Variants in PCSK9 observed in about 807,000 individuals in gnomAD.
PCSK9 encodes convertase subtilisin/kexin type 9 preproprotein.
In PCSK9, 57 loss-of-function variants were observed where a neutral mutation model predicts 62.1. The observed-to-expected ratio is 0.92, with a 90% CI of 0.74 to 1.14. The LOEUF is 1.14. PCSK9 is among the 50% of genes most tolerant of loss of function. The pLI is 0.00. For missense variants in PCSK9, 870 were observed against 959.8 expected (o/e 0.91, Z 1.24); for synonymous variants, 387 against 409.4 (o/e 0.95, Z 0.66).
At chr1:55,059,408 G>A (rs910924819) in intron 9 of PCSK9, 78 bp from the exon 10 acceptor site, 38 of 1,519,076 alleles carry the variant, frequency 2.5e-5, no homozygotes, top group Non-Finnish European at 8.0e-6. Flanking sequence ...GGGTGCTTGA[G>A]TTGATCCTGT....
At chr1:55,057,232 G>A in intron 6 of PCSK9, 99 bp from the exon 7 acceptor site, 1 of 1,418,738 alleles carries the variant, frequency 7.0e-7, no homozygotes, top group Non-Finnish European at 9.9e-7. Flanking sequence ...CCAAACAGGT[G>A]TATAGCAGTT....
intron 3 of PCSK9, among the ~76,000 whole-genome samples, chr1:55,047,435 C>A (rs1644642120): frequency 6.6e-6 from 1 of 152,198 alleles, no homozygotes; most frequent in African/African-American, 2.4e-5. Flanking sequence ...TTGGGGTGAA[C>A]TCAGCTTTCA....
At position 55,052,427 on chromosome 1, in the gene PCSK9, TGATG is replaced by T; in HGVS notation, c.657+18_657+21del. On this transcript the variant is annotated intron_variant, in intron 4 of 11. Transcript: ENST00000302118. ...CCACAGACAGGTAAGCACGGCCGTC[TGATG>T]GGAGGGCTGCCTCTGCCCATATCCC... is the stretch of plus-strand genomic sequence containing the variant. 6.2e-7 allele frequency: 1 copy of T among 1,613,580 alleles called. No homozygotes were observed. The highest frequency in any genetic ancestry group is 8.5e-7 in the Non-Finnish European group (1 of 1,180,006).
chr1:55,058,735 G>A (rs938173371), intron 9 of PCSK9, 88 bp downstream of exon 9: 28 of 1,544,590 alleles, frequency 1.8e-5, no homozygotes, highest in Non-Finnish European at 2.4e-5. Context: ...TGGGCCCTCA[G>A]GGACCCCCAG....
chr1:55,058,954 C>T (rs939748463), intron 9 of PCSK9, among the ~76,000 whole-genome samples: 4 of 152,214 alleles, frequency 2.6e-5, no homozygotes, highest in Admixed American at 6.5e-5. Context: ...TGAGGGTCAG[C>T]GATCTGCTAC....
At chr1:55,058,782 A>G in intron 9 of PCSK9, 135 bp downstream of exon 9, 1 of 1,507,936 alleles carries the variant, frequency 6.6e-7, no homozygotes, top group Non-Finnish European at 8.9e-7. Flanking sequence ...GCTCTTCTGT[A>G]AGCTTACAGG....
At chr1:55,059,753 T>C (rs1482080645) in intron 10 of PCSK9, 90 bp downstream of exon 10, 27 of 1,456,166 alleles carry the variant, frequency 1.9e-5, no homozygotes, top group Non-Finnish European at 2.4e-5. Context: ...ACAAGTGTGA[T>C]CCATGAGACT....
intron 3 of PCSK9, chr1:55,050,890 A>G: frequency 3.0e-6 from 1 of 329,668 alleles, no homozygotes; most frequent in South Asian, 2.2e-5. Flanking sequence ...TCAAGATGGC[A>G]TCATCTGGAT....
intron 5 of PCSK9, 94 bp downstream of exon 5, chr1:55,052,885 C>T: frequency 6.3e-7 from 1 of 1,580,352 alleles, no homozygotes; most frequent in Non-Finnish European, 8.6e-7. Flanking sequence ...TGTCTCCTAA[C>T]CAAGAATGCT....
Position 55,064,026 on chromosome 1 carries a change from TG to T in PCSK9, c.*448del. The T allele has an allele frequency of 5.7e-6, 1 of 175,428 alleles. No individual in the cohort carries two copies. The highest frequency in any genetic ancestry group is 1.2e-5 in the Non-Finnish European group (1 of 82,580). The allele number at this position is 175,428 out of a possible 1,614,324, so 10.9% of individuals were successfully genotyped here. ...TAGGGGCTGCAGGGACAAACATCGTTGGGGGGTGAGTGTGAAAGGTGCTGAT... is the reference window on the plus strand; with the variant it reads ...TAGGGGCTGCAGGGACAAACATCGTTGGGGGTGAGTGTGAAAGGTGCTGAT... On this transcript the variant is annotated 3_prime_UTR_variant, in exon 12 of 12. Coordinates refer to ENST00000302118, the MANE Select transcript of PCSK9 (RefSeq NM_174936.4).
intron 2 of PCSK9, 89 bp from the exon 3 acceptor site, chr1:55,046,434 G>A: frequency 6.3e-7 from 1 of 1,594,990 alleles, no homozygotes; most frequent in African/African-American, 1.3e-5. Flanking sequence ...TGTGGGGACA[G>A]GTTTGATCAG....
intron 3 of PCSK9, among the ~76,000 whole-genome samples, chr1:55,048,121 G>A (rs771192382): frequency 3.9e-5 from 6 of 152,106 alleles, no homozygotes; most frequent in Non-Finnish European, 8.8e-5. Flanking sequence ...AATCAGTGTC[G>A]GCAGGACCAC....
In PCSK9 at chr1:55,060,450, G is replaced by A. The variant is rs373940700; in HGVS notation, c.1681+787G>A. On this transcript the variant is annotated intron_variant, in intron 10 of 11. Transcript: ENST00000302118. The stretch of plus-strand genomic sequence containing the variant: ...GGTTTGGGAACAGGAGAGTGAGGGT[G>A]AGAACCTGGTTCTGGGCACAGCAGG... Among the ~76,000 whole-genome samples, 34 of 152,346 alleles carry A rather than the reference G, an allele frequency of 2.2e-4. No homozygotes were observed. In the South Asian group the frequency reaches 7.0e-3, roughly 32 times the overall value.
In PCSK9 at chr1:55,058,644, G is replaced by A; in HGVS notation, c.1500G>A (p.Met500Ile). Residue 500 changes from methionine to isoleucine, a missense_variant, in exon 9 of 12, where the codon ATG becomes ATA. Met to Ile is a conservative substitution (Grantham distance 10). Coordinates refer to ENST00000302118, the MANE Select transcript of PCSK9 (RefSeq NM_174936.4). ...GTGGGAAGCGGCGGGGCGAGCGCAT[G>A]GAGGTGACTGTACCCCTCCTTCGTG... The part of the protein sequence containing the change: ...SRSGKRRGER[M>I]EAQGGKLVCR... 1 of 1,609,040 alleles carries A rather than the reference G, an allele frequency of 6.2e-7. No homozygotes were observed. Among genetic ancestry groups the A allele is most frequent in the South Asian group, 1.1e-5 (1 of 90,748 alleles).
chr1:55,058,202 T>C lies in PCSK9; in HGVS notation c.1347T>C (p.His449=). 1 of 1,612,338 alleles carries C rather than the reference T, an allele frequency of 6.2e-7. No individual in the cohort carries two copies. The highest frequency in any genetic ancestry group is 8.5e-7 in the Non-Finnish European group (1 of 1,179,430). Residue 449 remains histidine, a synonymous_variant, in exon 8 of 12, where the codon CAT becomes CAC. Coordinates refer to ENST00000302118, the MANE Select transcript of PCSK9 (RefSeq NM_174936.4). The stretch of plus-strand genomic sequence containing the variant: ...TGGCCGCCCTGCCCCCCAGCACCCA[T>C]GGGGCAGGTAAGCAGGATGGCAGGG... ...NLVAALPPST[H]GAGWQLFCRT... is the part of the protein sequence containing the mutation.
In PCSK9 at chr1:55,056,108, G is replaced by A. The variant is rs1283644480; in HGVS notation, c.915G>A (p.Ala305=). The A allele has an allele frequency of 1.9e-6, 3 of 1,586,536 alleles. No homozygotes were observed. The highest frequency in any genetic ancestry group is 1.3e-5 in the African/African-American group (1 of 74,392). The change falls in exon 6 of 12, where the codon GCG becomes GCA. Residue 305 remains alanine, a synonymous_variant. Transcript: ENST00000302118. ...TCAACGCCGCCTGCCAGCGCCTGGC[G>A]AGGGCTGGGGTCGTGCTGGTCACCG... ...RVLNAACQRL[A]RAGVVLVTAA...
chr1:55,047,399 T>C (rs1283573410), intron 3 of PCSK9, among the ~76,000 whole-genome samples: 1 of 152,178 alleles, frequency 6.6e-6, no homozygotes, highest in Non-Finnish European at 1.5e-5. Flanking sequence ...GGTGGGTCCA[T>C]GCAACATGGT....
chr1:55,046,666 C>A lies in PCSK9; in HGVS notation c.523+20C>A. The A allele has an allele frequency of 6.2e-7, 1 of 1,612,886 alleles. No individual in the cohort carries two copies. Among genetic ancestry groups the A allele is most frequent in the South Asian group, 1.1e-5 (1 of 91,030 alleles). On this transcript the variant is annotated intron_variant, in intron 3 of 11. Transcript: ENST00000302118. Reference sequence around the variant, plus strand: ...CCCCCGGTAAGACCCCCATCTGTGCCCTGCCCCACCCCATCTGAGCTGAAT... The same window carrying A: ...CCCCCGGTAAGACCCCCATCTGTGCACTGCCCCACCCCATCTGAGCTGAAT...
At chr1:55,052,875 T>C in intron 5 of PCSK9, 84 bp downstream of exon 5, 3 of 1,594,368 alleles carry the variant, frequency 1.9e-6, no homozygotes, top group Non-Finnish European at 2.6e-6. Flanking sequence ...GGAGAGCTAA[T>C]GTCTCCTAAC....
Sources: gnomAD v4.1 joint callset for allele counts (sites outside exome capture counted in the v4.1 genomes callset) on GRCh38, gnomAD v4.1.1 for gene constraint, MANE v1.5 for transcripts, NCBI Gene and HGNC (gene_info 2026-07-23, HGNC 2026-07-21) for gene names.